RPGRIP1: variants seen among roughly 807,000 people sequenced by gnomAD.
The protein encoded by RPGRIP1 is X-linked retinitis pigmentosa GTPase regulator-interacting protein 1.
RPGRIP1 carries 128 observed loss-of-function variants against 157.9 expected under a neutral mutation model. The observed-to-expected ratio is 0.81, with a 90% CI of 0.70 to 0.94. The LOEUF is 0.94. Among genes scored for constraint, RPGRIP1 ranks in the 40% least tolerant of loss-of-function variants. The pLI is 0.00. For synonymous variants in RPGRIP1, 554 were observed against 571.6 expected, an observed-to-expected ratio of 0.97 and a Z score of 0.44; for missense variants, 1,486 against 1,545.8, an observed-to-expected ratio of 0.96 and a Z score of 0.65.
chr14:21,337,859 G>A (rs1305281306), intron 21 of RPGRIP1, among the ~76,000 whole-genome samples: 3 of 145,840 alleles, frequency 2.1e-5, no homozygotes, highest in Non-Finnish European at 4.5e-5. Context: ...GGGTTCAAGC[G>A]ACTCTCCTGC....
Position 21,342,976 on chromosome 14 carries a change from C to T in RPGRIP1, c.3340-60C>T, listed in dbSNP as rs1030441411. ...GTACCGTAATGGGTTAATTGGATGG[C>T]GTATAAGCACTTGGAGCCTCACTAA... is the stretch of plus-strand genomic sequence containing the variant. On this transcript the variant is annotated intron_variant, in intron 21 of 24. Transcript: ENST00000400017. 21 of 1,227,052 alleles carry T rather than the reference C, an allele frequency of 1.7e-5. 1 individual carries two copies. The highest frequency in any genetic ancestry group is 9.1e-5 in the African/African-American group (6 of 66,290). 76.0% of individuals were successfully genotyped at this position (1,227,052 alleles called of 1,614,324 possible).
chr14:21,337,904 C>T (rs967648804), intron 21 of RPGRIP1, among the ~76,000 whole-genome samples: 3 of 151,676 alleles, frequency 2.0e-5, no homozygotes, highest in Non-Finnish European at 2.9e-5. Flanking sequence ...TACAGACACA[C>T]GCTGTCACGT....
At chr14:21,350,657 G>A (rs1886159932) in intron 24 of RPGRIP1, among the ~76,000 whole-genome samples, 1 of 152,096 alleles carries the variant, frequency 6.6e-6, no homozygotes, top group Non-Finnish European at 1.5e-5. Context: ...ATCTTACTGA[G>A]TTGTGAAGAT....
At chr14:21,295,881 C>G (rs933395795) in intron 3 of RPGRIP1, among the ~76,000 whole-genome samples, 1 of 151,776 alleles carries the variant, frequency 6.6e-6, no homozygotes, top group African/African-American at 2.4e-5. Context: ...AGCGATTCCC[C>G]TCCCTCAGCC....
At position 21,325,837 on chromosome 14, in the gene RPGRIP1, T is replaced by TCA; in HGVS notation, c.2375_2376insAC (p.Glu793ArgfsTer66). On this transcript the variant is annotated frameshift_variant, in exon 17 of 25. Coordinates refer to ENST00000400017, the MANE Select transcript of RPGRIP1 (RefSeq NM_020366.4). LOFTEE classifies it high-confidence loss of function. ...ATGACCAACATCTTTCCAGTTCAGA[T>TCA]CGGAGTCTTGGGAACCTCAGAACGA... The TCA allele has an allele frequency of 6.2e-7, 1 of 1,611,526 alleles. No individual in the cohort carries two copies. The highest frequency in any genetic ancestry group is 8.5e-7 in the Non-Finnish European group (1 of 1,178,066).
At chr14:21,294,107 A>G (rs1880656836) in intron 2 of RPGRIP1, among the ~76,000 whole-genome samples, 1 of 151,784 alleles carries the variant, frequency 6.6e-6, no homozygotes, top group African/African-American at 2.4e-5. Flanking sequence ...ATTAAGTAAA[A>G]TAAAAGCCTA....
At chr14:21,301,924 A>C (rs1482414019) in intron 4 of RPGRIP1, among the ~76,000 whole-genome samples, 2 of 151,980 alleles carry the variant, frequency 1.3e-5, no homozygotes, top group East Asian at 3.9e-4. Flanking sequence ...TCAACGTTGA[A>C]TCTCTAGAGT....
chr14:21,320,345 A>G (rs577634433), intron 12 of RPGRIP1, among the ~76,000 whole-genome samples, 168 bp downstream of exon 12: 2 of 150,946 alleles, frequency 1.3e-5, no homozygotes, highest in African/African-American at 2.4e-5. Flanking sequence ...GCTGGAGTGC[A>G]GTGGCGCGAT....
chr14:21,284,208 TTTC>T lies in RPGRIP1; in HGVS notation c.-38-3725_-38-3723del, dbSNP rs541605077. Among the ~76,000 whole-genome samples, 730 of 152,332 alleles carry T rather than the reference TTTC, an allele frequency of 4.8e-3. 7 individuals carry two copies. The highest frequency in any genetic ancestry group is 0.017 in the African/African-American group (707 of 41,578). ...AGAATTTCTCCATTATACTTTTTGC[TTTC>T]TTCTTTATATTTCTCTGTTTGTTCA... is the stretch of plus-strand genomic sequence containing the variant. On this transcript the variant is annotated intron_variant, in intron 1 of 24. Transcript: ENST00000400017.
rs1479092913 is a variant in RPGRIP1 at position 21,320,268 on chromosome 14, AAAT to A, written c.1467+96_1467+98del. 8 of 1,205,796 alleles carry A rather than the reference AAAT, an allele frequency of 6.6e-6. No individual in the cohort carries two copies. In the African/African-American group the frequency reaches 1.2e-4, roughly 19 times the overall value. The allele number at this position is 1,205,796 out of a possible 1,614,324, so 74.7% of individuals were successfully genotyped here. ...AGATGATGAGATTAGAAAACTAACT[AAAT>A]AATATTTTGTCCTGACTGAGGACAC... is the stretch of plus-strand genomic sequence containing the variant. On this transcript the variant is annotated intron_variant, in intron 12 of 24. Transcript: ENST00000400017.
At chr14:21,316,228 C>G (rs555503826) in intron 10 of RPGRIP1, among the ~76,000 whole-genome samples, 9 of 152,046 alleles carry the variant, frequency 5.9e-5, no homozygotes, top group African/African-American at 1.9e-4. Flanking sequence ...CTGCCTGCCT[C>G]AGCCTCCCAA....
intron 8 of RPGRIP1, chr14:21,310,826 G>A (rs766807499): frequency 1.5e-6 from 1 of 680,666 alleles, no homozygotes; most frequent in South Asian, 1.5e-5. Flanking sequence ...TGAAATTGTA[G>A]TTGAGAAATA....
intron 24 of RPGRIP1, among the ~76,000 whole-genome samples, chr14:21,349,151 A>G (rs1357025755): frequency 3.5e-5 from 5 of 143,550 alleles, no homozygotes; most frequent in African/African-American, 1.0e-4. Context: ...GCTCACTGCA[A>G]CCTCCACCTC....
intron 6 of RPGRIP1, among the ~76,000 whole-genome samples, chr14:21,306,035 C>G (rs890198063): frequency 6.7e-6 from 1 of 150,134 alleles, no homozygotes; most frequent in African/African-American, 2.5e-5. Context: ...TGGAGTGAAC[C>G]CAAATCCTCC....
intron 2 of RPGRIP1, among the ~76,000 whole-genome samples, chr14:21,294,165 G>T (rs1403101993): frequency 1.3e-5 from 2 of 151,438 alleles, no homozygotes; most frequent in Non-Finnish European, 2.9e-5. Flanking sequence ...GGAAGGTCGA[G>T]TTATACCTCA....
chr14:21,335,802 G>A (rs560461669), intron 21 of RPGRIP1, among the ~76,000 whole-genome samples: 11 of 140,152 alleles, frequency 7.8e-5, no homozygotes, highest in African/African-American at 2.7e-4. Context: ...GCGAGACTAC[G>A]TCTCAAAAAA....
At chr14:21,315,762 A>T (rs1280009688) in intron 10 of RPGRIP1, among the ~76,000 whole-genome samples, 1 of 151,880 alleles carries the variant, frequency 6.6e-6, no homozygotes. Context: ...AATGCCAAGA[A>T]ATGTTAATAC....
intron 4 of RPGRIP1, among the ~76,000 whole-genome samples, chr14:21,301,903 A>C (rs1026606370): frequency 6.6e-6 from 1 of 151,788 alleles, no homozygotes; most frequent in Non-Finnish European, 1.5e-5. Context: ...CAAAACCCCC[A>C]AAAAGAAAAC....
At chr14:21,300,536 G>A (rs1880978523) in intron 3 of RPGRIP1, among the ~76,000 whole-genome samples, 1 of 151,832 alleles carries the variant, frequency 6.6e-6, no homozygotes, top group South Asian at 2.1e-4. Flanking sequence ...CATATACAGG[G>A]GTGTGTAGAC....
Sources: gnomAD v4.1 joint callset for allele counts (sites outside exome capture counted in the v4.1 genomes callset) on GRCh38, gnomAD v4.1.1 for gene constraint, MANE v1.5 for transcripts, NCBI Gene and HGNC (gene_info 2026-07-23, HGNC 2026-07-21) for gene names.